Variants in SNTG2 observed in about 807,000 individuals in gnomAD.
SNTG2 encodes gamma-2-syntrophin.
A neutral mutation model predicts 70.9 loss-of-function variants in SNTG2; 74 were observed. That is an observed-to-expected ratio of 1.04 (90% CI 0.86 to 1.27). SNTG2 has a LOEUF of 1.27. Among genes scored for constraint, SNTG2 ranks in the 50% most tolerant of loss-of-function variants. SNTG2 has a pLI of 0.00. For missense variants in SNTG2, 717 were observed against 690.7 expected, an observed-to-expected ratio of 1.04 and a Z score of -0.43; for synonymous variants, 278 against 273.8, an observed-to-expected ratio of 1.02 and a Z score of -0.15.
At chr2:999,018 A>C (rs1279151254) in intron 1 of SNTG2, among the ~76,000 whole-genome samples, 1 of 152,114 alleles carries the variant, frequency 6.6e-6, no homozygotes, top group East Asian at 1.9e-4. Context: ...AAAAACTGTC[A>C]ACCACAAATT....
chr2:982,059 C>T, intron 1 of SNTG2, among the ~76,000 whole-genome samples: 1 of 152,208 alleles, frequency 6.6e-6, no homozygotes, highest in East Asian at 1.9e-4. Flanking sequence ...CACATGTCCA[C>T]ACCCACACAC....
At chr2:1,355,936 T>C (rs934765871) in intron 16 of SNTG2, among the ~76,000 whole-genome samples, 2 of 152,236 alleles carry the variant, frequency 1.3e-5, no homozygotes, top group Non-Finnish European at 2.9e-5. Flanking sequence ...ATTTCCCTAA[T>C]GCTTGGTGAT....
In SNTG2 at chr2:1,121,776, A is replaced by G. The variant is rs988052134; in HGVS notation, c.326-15846A>G. ...TGGGGGAAACTGCCCCCATGATCCA[A>G]TCACCTCCACTTGTTCTCTCCCTTG... On this transcript the variant is annotated intron_variant, in intron 4 of 16. Transcript: ENST00000308624. 3.9e-5 allele frequency among the ~76,000 whole-genome samples: 6 copies of G among 152,110 alleles called. No individual in the cohort carries two copies. In the South Asian group the frequency reaches 1.2e-3, roughly 32 times the overall value.
intron 9 of SNTG2, among the ~76,000 whole-genome samples, chr2:1,225,674 A>G (rs1296905310): frequency 6.6e-6 from 1 of 152,210 alleles, no homozygotes; most frequent in African/African-American, 2.4e-5. Context: ...GTGTGGGACA[A>G]AGCTCCACTC....
chr2:1,245,179 C>T (rs74169643), intron 11 of SNTG2, among the ~76,000 whole-genome samples: 75,387 of 147,962 alleles, frequency 0.51, 21,045 homozygotes, highest in Admixed American at 0.64. Context: ...CTAGATGACA[C>T]GTTAGTGGGT....
intron 16 of SNTG2, among the ~76,000 whole-genome samples, chr2:1,338,135 C>G (rs1165156998): frequency 6.6e-6 from 1 of 152,142 alleles, no homozygotes. Flanking sequence ...AATCAGGAAC[C>G]ATGAGACTTC....
intron 11 of SNTG2, 94 bp from the exon 12 acceptor site, chr2:1,247,233 C>T: frequency 1.4e-6 from 1 of 739,282 alleles, no homozygotes; most frequent in Non-Finnish European, 2.4e-6. Context: ...GTGTGTTGAC[C>T]TGATGGGATC....
intron 14 of SNTG2, among the ~76,000 whole-genome samples, chr2:1,269,305 A>G (rs552968341): frequency 6.6e-6 from 1 of 152,172 alleles, no homozygotes; most frequent in Admixed American, 6.5e-5. Context: ...AGAATTAGAG[A>G]CCAGCCCAGG....
chr2:998,043 A>G (rs987645441), intron 1 of SNTG2, among the ~76,000 whole-genome samples: 4 of 152,254 alleles, frequency 2.6e-5, no homozygotes, highest in African/African-American at 9.6e-5. Context: ...CATCATACAA[A>G]GGCTATCTAT....
chr2:1,112,944 A>C (rs975180396), intron 4 of SNTG2, among the ~76,000 whole-genome samples: 2 of 149,238 alleles, frequency 1.3e-5, no homozygotes, highest in Non-Finnish European at 3.0e-5. Context: ...GAGGTTTAAT[A>C]CTTACATTTC....
intron 1 of SNTG2, among the ~76,000 whole-genome samples, chr2:1,048,821 T>G (rs1462508337): frequency 6.6e-6 from 1 of 152,218 alleles, no homozygotes. Flanking sequence ...CCACACCTTT[T>G]GTAAACCTTG....
chr2:1,087,204 C>A (rs1664738283), intron 2 of SNTG2, among the ~76,000 whole-genome samples: 1 of 152,174 alleles, frequency 6.6e-6, no homozygotes, highest in Non-Finnish European at 1.5e-5. Context: ...GCACTTCCTT[C>A]TGGTGATGCG....
At chr2:1,201,816 C>T (rs1016459778) in intron 8 of SNTG2, among the ~76,000 whole-genome samples, 8 of 151,766 alleles carry the variant, frequency 5.3e-5, no homozygotes, top group Admixed American at 2.0e-4. Context: ...TGTGGGACAC[C>T]TCCAGTGGTC....
intron 1 of SNTG2, among the ~76,000 whole-genome samples, chr2:1,050,936 A>G (rs1662021595): frequency 6.6e-6 from 1 of 152,218 alleles, no homozygotes; most frequent in Non-Finnish European, 1.5e-5. Flanking sequence ...TGTAAATTGC[A>G]TGTTTTTATT....
intron 14 of SNTG2, among the ~76,000 whole-genome samples, chr2:1,295,006 G>A (rs1223975033): frequency 2.0e-5 from 3 of 152,330 alleles, no homozygotes; most frequent in Non-Finnish European, 4.4e-5. Flanking sequence ...AGGCTGTCTC[G>A]TTCACTCCCG....
intron 13 of SNTG2, among the ~76,000 whole-genome samples, chr2:1,260,402 G>A (rs9330343): frequency 0.23 from 34,452 of 151,888 alleles, 4,715 homozygotes; most frequent in East Asian, 0.49. Context: ...AAATTTATTT[G>A]GGCAACATTT....
At chr2:1,110,994 C>T (rs902318572) in intron 4 of SNTG2, among the ~76,000 whole-genome samples, 12 of 152,194 alleles carry the variant, frequency 7.9e-5, no homozygotes, top group African/African-American at 2.9e-4. Flanking sequence ...GTCTAACTTT[C>T]CTAACTGTGC....
intron 8 of SNTG2, among the ~76,000 whole-genome samples, chr2:1,208,449 GTGGAA>G (rs796873831): frequency 5.9e-4 from 90 of 152,270 alleles, no homozygotes; most frequent in Middle Eastern, 3.4e-3. Context: ...CTTTGAGAAC[GTGGAA>G]TGGGAGGTGG....
chr2:1,232,446 C>T (rs963953733), intron 9 of SNTG2, among the ~76,000 whole-genome samples: 6 of 152,032 alleles, frequency 3.9e-5, no homozygotes, highest in African/African-American at 9.7e-5. Flanking sequence ...ACTACAGGCC[C>T]GCCACCATGC....
Sources: gnomAD v4.1 joint callset for allele counts (sites outside exome capture counted in the v4.1 genomes callset) on GRCh38, gnomAD v4.1.1 for gene constraint, MANE v1.5 for transcripts, NCBI Gene and HGNC (gene_info 2026-07-23, HGNC 2026-07-21) for gene names.